The following S100Z variants were observed in gnomAD, a reference collection of about 807,000 sequenced individuals.
S100Z encodes protein S100-Z.
Under a neutral mutation model 8.5 loss-of-function variants are expected in S100Z, and 11 were observed. The ratio of observed to expected loss-of-function variants is 1.30; its 90% CI spans 0.82 to 2.15. The LOEUF (loss-of-function observed/expected upper bound fraction) is 2.15, where lower values mean the gene tolerates loss of function less well. S100Z is among the 30% of genes most tolerant of loss of function. S100Z has a pLI of 0.00. For missense variants in S100Z, 126 were observed against 117.9 expected (o/e 1.07, Z -0.32); for synonymous variants, 34 against 43.8 (o/e 0.78, Z 0.89).
At chr5:76,911,837 C>T (rs1422937756) in intron 4 of S100Z, among the ~76,000 whole-genome samples, 3 of 152,200 alleles carry the variant, frequency 2.0e-5, no homozygotes, top group Non-Finnish European at 4.4e-5. Flanking sequence ...GGCTTATCCT[C>T]ACCCTAAGAC....
chr5:76,900,242 A>G (rs1207310716), intron 4 of S100Z, among the ~76,000 whole-genome samples: 1 of 150,594 alleles, frequency 6.6e-6, no homozygotes, highest in East Asian at 1.9e-4. Flanking sequence ...TTAGTGTTCT[A>G]TAACCTTCTT....
At chr5:76,938,080 T>C in the S100Z span, among the ~76,000 whole-genome samples, 1 of 149,120 alleles carries the variant, frequency 6.7e-6, no homozygotes, top group Non-Finnish European at 1.5e-5. Flanking sequence ...GGCAACAGTA[T>C]GAGACTCTGT....
At chr5:76,937,245 G>GA in the S100Z span, among the ~76,000 whole-genome samples, 361 of 142,954 alleles carry the variant, frequency 2.5e-3, 2 homozygotes, top group African/African-American at 8.8e-3. Flanking sequence ...ATAACCAAAA[G>GA]AAAAAAAAAA....
intron 4 of S100Z, among the ~76,000 whole-genome samples, chr5:76,887,100 CT>C (rs775761857): frequency 0.013 from 1,842 of 140,174 alleles, 11 homozygotes; most frequent in African/African-American, 0.021. Flanking sequence ...CTTTTCTTTT[CT>C]TTTTTTTTTT....
chr5:76,873,362 C>T (rs1743074515), intron 2 of S100Z, among the ~76,000 whole-genome samples: 1 of 147,202 alleles, frequency 6.8e-6, no homozygotes, highest in Non-Finnish European at 1.5e-5. Context: ...GGATGGAGTG[C>T]AGGGACGTGA....
rs141975495 is a variant in S100Z at position 76,863,729 on chromosome 5, G to A, written c.-175-6437G>A. ...AATTTTTTGTATTTTTAGTAGAGAC[G>A]GGGTTTCACCGTGTTAGCCAGGATG... On this transcript the variant is annotated intron_variant, in intron 1 of 4. Transcript: ENST00000317593. 5.9e-3 allele frequency among the ~76,000 whole-genome samples: 900 copies of A among 151,702 alleles called. 6 individuals are homozygous for A. The highest frequency in any genetic ancestry group is 0.019 in the African/African-American group (768 of 41,240).
chr5:76,850,425 C>T (rs1378156648), intron 1 of S100Z, among the ~76,000 whole-genome samples: 1 of 152,018 alleles, frequency 6.6e-6, no homozygotes, highest in Non-Finnish European at 1.5e-5. Context: ...CTAAAGAACA[C>T]TTAGTTCATT....
intron 4 of S100Z, among the ~76,000 whole-genome samples, chr5:76,906,970 G>GTATATA (rs1744445802): frequency 3.8e-5 from 1 of 26,058 alleles, no homozygotes; most frequent in African/African-American, 3.4e-4. Context: ...ATTCCATTGT[G>GTATATA]TGTGTGTATA....
intron 1 of S100Z, among the ~76,000 whole-genome samples, chr5:76,857,069 A>G (rs929365332): frequency 2.0e-5 from 3 of 152,200 alleles, no homozygotes; most frequent in African/African-American, 7.2e-5. Flanking sequence ...CAAGGCAGGC[A>G]GAACACAAGG....
chr5:76,882,637 G>A (rs1339779778), intron 4 of S100Z, among the ~76,000 whole-genome samples: 2 of 152,166 alleles, frequency 1.3e-5, no homozygotes, highest in Non-Finnish European at 2.9e-5. Context: ...TTAGTCAGAC[G>A]TGATCAGCAG....
intron 1 of S100Z, among the ~76,000 whole-genome samples, chr5:76,856,406 G>C (rs1434246745): frequency 6.6e-6 from 1 of 152,110 alleles, no homozygotes; most frequent in Non-Finnish European, 1.5e-5. Context: ...TGCCATGTTG[G>C]CCAGGCTGGT....
chr5:76,854,705 C>G (rs1750831684), intron 1 of S100Z, among the ~76,000 whole-genome samples: 1 of 152,168 alleles, frequency 6.6e-6, no homozygotes, highest in Non-Finnish European at 1.5e-5. Context: ...AAAGAAAAGC[C>G]CTTTTTCAGG....
chr5:76,862,816 C>A, intron 1 of S100Z, among the ~76,000 whole-genome samples: 1 of 151,860 alleles, frequency 6.6e-6, no homozygotes, highest in Non-Finnish European at 1.5e-5. Flanking sequence ...CGCGAAACAA[C>A]AACAACAAAA....
intron 4 of S100Z, among the ~76,000 whole-genome samples, chr5:76,893,470 G>C (rs535732193): frequency 2.0e-5 from 3 of 152,060 alleles, no homozygotes; most frequent in Non-Finnish European, 4.4e-5. Context: ...TTGAACCTAG[G>C]AGGTCAAGGT....
chr5:76,869,756 C>T (rs575210201), intron 1 of S100Z, among the ~76,000 whole-genome samples: 8 of 152,286 alleles, frequency 5.3e-5, no homozygotes, highest in Middle Eastern at 3.4e-3. Context: ...CAGTGGCTCA[C>T]ACCTGTAATC....
intron 4 of S100Z, among the ~76,000 whole-genome samples, chr5:76,889,358 T>A (rs956645145): frequency 6.6e-6 from 1 of 152,284 alleles, no homozygotes; most frequent in South Asian, 2.1e-4. Context: ...GAAGAAAAAA[T>A]TTTTTAAAAA....
intron 4 of S100Z, among the ~76,000 whole-genome samples, chr5:76,895,466 C>T (rs1464873366): frequency 1.6e-4 from 24 of 151,786 alleles, no homozygotes; most frequent in Non-Finnish European, 1.5e-5. Flanking sequence ...AGTTAAAGCC[C>T]AATGACAGTT....
chr5:76,908,265 T>C (rs1245209815), intron 4 of S100Z, among the ~76,000 whole-genome samples: 1 of 152,226 alleles, frequency 6.6e-6, no homozygotes, highest in Admixed American at 6.5e-5. Flanking sequence ...GAGGAAGCCA[T>C]TCAGCTTCGG....
intron 1 of S100Z, among the ~76,000 whole-genome samples, chr5:76,854,649 CAG>C (rs1309069371): frequency 3.3e-5 from 5 of 152,142 alleles, no homozygotes; most frequent in African/African-American, 1.2e-4. Context: ...AAAAGGGACA[CAG>C]AGTGTAAAAG....
Sources: gnomAD v4.1 joint callset for allele counts (sites outside exome capture counted in the v4.1 genomes callset) on GRCh38, gnomAD v4.1.1 for gene constraint, MANE v1.5 for transcripts, NCBI Gene and HGNC (gene_info 2026-07-23, HGNC 2026-07-21) for gene names.